RBM23: variants seen among roughly 807,000 people sequenced by gnomAD.
The protein encoded by RBM23 is RNA binding motif protein 23.
RBM23 carries 53 observed loss-of-function variants against 56.2 expected under a neutral mutation model. That is an observed-to-expected ratio of 0.94 (90% CI 0.76 to 1.19). RBM23 has a LOEUF of 1.19. RBM23 is among the 50% of genes most tolerant of loss of function. RBM23 has a pLI of 0.00. For missense variants in RBM23, 642 were observed against 590.3 expected (o/e 1.09, Z -0.91); for synonymous variants, 197 against 198.5 (o/e 0.99, Z 0.06).
rs2040260743 is a variant in RBM23, at chr14:22,897,141, T to C, written c.*4589A>G. On this transcript the variant is annotated 3_prime_UTR_variant, in exon 14 of 14. Transcript: ENST00000359890. ...AAGGGGCAGCCTTTGGAAAGCCTGG[T>C]GCTGACTTTAACACTTTAATGAACA... The C allele has an allele frequency of 2.6e-5, 4 of 152,352 alleles. No individual in the cohort carries two copies. Among genetic ancestry groups the C allele is most frequent in the African/African-American group, 9.6e-5 (4 of 41,586 alleles). The allele number at this position is 152,352 out of a possible 1,614,324, so 9.4% of individuals were successfully genotyped here.
In RBM23 at chr14:22,895,406, A is replaced by G. The variant is rs1195103189; in HGVS notation, c.*6324T>C. 2 of 152,242 alleles carry G rather than the reference A, an allele frequency of 1.3e-5. No individual in the cohort carries two copies. Among genetic ancestry groups the G allele is most frequent in the Non-Finnish European group, 2.9e-5 (2 of 68,080 alleles). 9.4% of individuals were successfully genotyped at this position (152,242 alleles called of 1,614,324 possible). Reference sequence around the variant, plus strand: ...AAATAAAAAAAATACTTATTCAGAAAGGAAAATGCCAGTGTAGGGCTAGGC... The same window carrying G: ...AAATAAAAAAAATACTTATTCAGAAGGGAAAATGCCAGTGTAGGGCTAGGC... On this transcript the variant is annotated 3_prime_UTR_variant, in exon 14 of 14. Coordinates refer to ENST00000359890, the MANE Select transcript of RBM23 (RefSeq NM_001077351.2).
At chr14:22,906,037 A>T in intron 5 of RBM23, 158 bp downstream of exon 5, 1 of 856,778 alleles carries the variant, frequency 1.2e-6, no homozygotes, top group Non-Finnish European at 1.8e-6. Flanking sequence ...GGCATGAGCC[A>T]CCACACCAGT....
intron 1 of RBM23, among the ~76,000 whole-genome samples, chr14:22,915,097 A>G (rs986218802): frequency 2.0e-5 from 3 of 152,158 alleles, no homozygotes; most frequent in East Asian, 1.9e-4. Flanking sequence ...TGACAATTAA[A>G]TAAGTGTAAT....
At chr14:22,903,413 A>C in intron 10 of RBM23, 1 of 985,492 alleles carries the variant, frequency 1.0e-6, no homozygotes, top group Non-Finnish European at 1.2e-6. Context: ...TACAAAAGTT[A>C]CTTGCCACCA....
rs373350428 is a variant in RBM23 at position 22,914,446 on chromosome 14, C to A, written c.-10-3043G>T. 6.6e-5 allele frequency among the ~76,000 whole-genome samples: 10 copies of A among 151,784 alleles called. No homozygotes were observed. The East Asian group carries it at 1.4e-3, about 21-fold the overall frequency. On this transcript the variant is annotated intron_variant, in intron 1 of 13. Transcript: ENST00000359890. Reference sequence around the variant, plus strand: ...GGCAGAGGTTGCAGTGAGCCAAGATCACGCCATTGCACTCCAGCCTGGATG... The same window carrying A: ...GGCAGAGGTTGCAGTGAGCCAAGATAACGCCATTGCACTCCAGCCTGGATG...
chr14:22,914,186 A>G (rs978254119), intron 1 of RBM23, among the ~76,000 whole-genome samples: 22 of 151,964 alleles, frequency 1.4e-4, no homozygotes, highest in African/African-American at 5.3e-4. Flanking sequence ...TTAGCTGGGC[A>G]TGGTGGCGCA....
Position 22,901,749 on chromosome 14 carries a change from G to A in RBM23, c.1317-16C>T, listed in dbSNP as rs1434093460. On this transcript the variant is annotated splice_polypyrimidine_tract_variant and intron_variant, in intron 13 of 13. Coordinates refer to ENST00000359890, the MANE Select transcript of RBM23 (RefSeq NM_001077351.2). Reference sequence around the variant, plus strand: ...ACTGATTTACCTGTGGAAAGAAGAGGTAAATGGGAAGCCAAAGGAAAGAGA... The same window carrying A: ...ACTGATTTACCTGTGGAAAGAAGAGATAAATGGGAAGCCAAAGGAAAGAGA... 3.1e-6 allele frequency: 5 copies of A among 1,613,912 alleles called. No individual in the cohort carries two copies. The South Asian group carries it at 3.3e-5, about 11-fold the overall frequency.
chr14:22,914,798 T>C (rs1222144304), intron 1 of RBM23, among the ~76,000 whole-genome samples: 1 of 151,736 alleles, frequency 6.6e-6, no homozygotes, highest in Non-Finnish European at 1.5e-5. Context: ...GCCTGACGGA[T>C]ATGGTGAAAC....
chr14:22,904,354 A>T, intron 9 of RBM23, 28 bp from the exon 10 acceptor site: 1 of 1,568,880 alleles, frequency 6.4e-7, no homozygotes, highest in Non-Finnish European at 8.8e-7. Context: ...ATTATCAGTA[A>T]ACTTTTGACT....
In RBM23 at chr14:22,898,036, T is replaced by C. The variant is rs1011299606; in HGVS notation, c.*3694A>G. On this transcript the variant is annotated 3_prime_UTR_variant, in exon 14 of 14. Transcript: ENST00000359890. ...TCAGAGTCTCTTTTCACTGTCCAAG[T>C]GTTGCTGCCTGATTTTCACTAAAGC... The C allele has an allele frequency of 3.3e-5, 5 of 152,234 alleles. No individual in the cohort carries two copies. The highest frequency in any genetic ancestry group is 5.9e-5 in the Non-Finnish European group (4 of 68,044). The allele number at this position is 152,234 out of a possible 1,614,324, so 9.4% of individuals were successfully genotyped here. A position where few individuals can be genotyped will look rare whatever the true frequency, so the allele number is the denominator to read the frequency against.
At chr14:22,907,959 A>G (rs2041852336) in intron 4 of RBM23, among the ~76,000 whole-genome samples, 1 of 152,230 alleles carries the variant, frequency 6.6e-6, no homozygotes, top group East Asian at 1.9e-4. Context: ...AAGGACATAA[A>G]GAAAACTTGT....
At position 22,904,882 on chromosome 14, in the gene RBM23, A is replaced by C. The variant is rs1566542233; in HGVS notation, c.857T>G (p.Phe286Cys). ...EDMLRGIFEP[F>C]GKIDNIVLMK... ...TCTCTCACTTCTACTCACTTTACCA[A>C]AGGGCTCAAAGATGCCCCGGAGCAT... Residue 286 changes from phenylalanine to cysteine, a missense_variant, in exon 9 of 14, where the codon TTT becomes TGT. By Grantham distance (205) the Phe-to-Cys change is radical. Transcript: ENST00000359890. 1 of 1,614,118 alleles carries C rather than the reference A, an allele frequency of 6.2e-7. No individual in the cohort carries two copies. The highest frequency in any genetic ancestry group is 2.2e-5 in the East Asian group (1 of 44,880).
chr14:22,910,540 G>A (rs2042332690), intron 2 of RBM23, among the ~76,000 whole-genome samples: 1 of 150,760 alleles, frequency 6.6e-6, no homozygotes, highest in Admixed American at 6.6e-5. Flanking sequence ...GGGAGGAGAG[G>A]GCAGAGGGAG....
rs187198831 is a variant in RBM23, at chr14:22,915,894, A to G, written c.-11+3105T>C. The stretch of plus-strand genomic sequence containing the variant: ...ATTCATACCCAAATTTTTTAAAACT[A>G]ACGTTTTTTGAACTGCTCAAAGTCA... On this transcript the variant is annotated intron_variant, in intron 1 of 13. Coordinates refer to ENST00000359890, the MANE Select transcript of RBM23 (RefSeq NM_001077351.2). Among the ~76,000 whole-genome samples the G allele has an allele frequency of 3.2e-3, 485 of 152,344 alleles. 3 individuals carry two copies. Among genetic ancestry groups the G allele is most frequent in the Non-Finnish European group, 4.8e-3 (324 of 68,030 alleles).
In RBM23 at chr14:22,908,371, CCTCTT is replaced by C; in HGVS notation, c.184_188del (p.Lys62GlufsTer5). ...CCCTGCTTTTATTATGGCTCCGACT[CCTCTT>C]CTTCCTGTGAAAGAGAGTACATTCT... On this transcript the variant is annotated frameshift_variant, in exon 4 of 14. Coordinates refer to ENST00000359890, the MANE Select transcript of RBM23 (RefSeq NM_001077351.2). LOFTEE classifies it high-confidence loss of function. 1.3e-6 allele frequency: 2 copies of C among 1,548,812 alleles called. No homozygotes were observed. Among genetic ancestry groups the C allele is most frequent in the Middle Eastern group, 1.7e-4 (1 of 5,988 alleles).
At chr14:22,908,597 T>A (rs990828067) in intron 3 of RBM23, 2 of 453,178 alleles carry the variant, frequency 4.4e-6, no homozygotes, top group Non-Finnish European at 3.9e-6. Flanking sequence ...TTTCGCTATG[T>A]TGGCCAGGTT....
rs544344178 is a variant in RBM23 at position 22,893,799 on chromosome 14, A to T, written c.*7931T>A. On this transcript the variant is annotated 3_prime_UTR_variant, in exon 14 of 14. Coordinates refer to ENST00000359890, the MANE Select transcript of RBM23 (RefSeq NM_001077351.2). ...GCATACTGCTTCTCAGGCCTTTATC[A>T]TCTCGGTGACTCCCTGATGGATATG... The T allele has an allele frequency of 6.6e-6, 1 of 152,224 alleles. No homozygotes were observed. The highest frequency in any genetic ancestry group is 1.9e-4 in the East Asian group (1 of 5,180). 9.4% of individuals were successfully genotyped at this position (152,224 alleles called of 1,614,324 possible).
chr14:22,910,151 C>CATAAAAAAAAAAAAAAAAAA (rs2042216592), intron 2 of RBM23, among the ~76,000 whole-genome samples: 1 of 16,696 alleles, frequency 6.0e-5, no homozygotes, highest in East Asian at 3.4e-3. Context: ...GACTCTGTCT[C>CATAAAAAAAAAAAAAAAAAA]AAAAAAAAAA....
intron 1 of RBM23, among the ~76,000 whole-genome samples, chr14:22,916,003 G>C (rs781539479): frequency 6.6e-6 from 1 of 152,230 alleles, no homozygotes; most frequent in Non-Finnish European, 1.5e-5. Flanking sequence ...AGAATGGCTT[G>C]AGGCCAAGTC....
Sources: gnomAD v4.1 joint callset for allele counts (sites outside exome capture counted in the v4.1 genomes callset) on GRCh38, gnomAD v4.1.1 for gene constraint, MANE v1.5 for transcripts, NCBI Gene and HGNC (gene_info 2026-07-23, HGNC 2026-07-21) for gene names.